The following GALNT9 variants were observed in gnomAD, a reference collection of about 807,000 sequenced individuals.
GALNT9 encodes GalNAc transferase 9.
A neutral mutation model predicts 63.1 loss-of-function variants in GALNT9; 47 were observed. That is an observed-to-expected ratio of 0.75 (90% CI 0.59 to 0.95). The LOEUF is 0.95. Ranked by LOEUF, GALNT9 falls within the 40% of genes least tolerant of loss-of-function variation. The pLI is 0.00. For missense variants in GALNT9, 829 were observed against 874.8 expected (o/e 0.95, Z 0.66); for synonymous variants, 396 against 365.7 (o/e 1.08, Z -0.94).
In GALNT9 at chr12:132,319,919, G is replaced by A. The variant is rs868941968; in HGVS notation, c.238+9047C>T. ...CACTCACTGACCCCGCCATGCAGGC[G>A]GGCACACGAGGCAGGCGCTCCTAAG... On this transcript the variant is annotated intron_variant, in intron 1 of 10. Coordinates refer to ENST00000328957, the MANE Select transcript of GALNT9 (RefSeq NM_001122636.2). This position sits in a 1 kb window ranked among gnomAD's most constrained non-coding sequence, Gnocchi z 5.2. Among the ~76,000 whole-genome samples the A allele has an allele frequency of 4.0e-4, 61 of 152,298 alleles. No homozygotes were observed. The highest frequency in any genetic ancestry group is 1.4e-3 in the African/African-American group (57 of 41,572).
chr12:132,200,801 T>C (rs1876005670), intron 8 of GALNT9: 1 of 354,378 alleles, frequency 2.8e-6, no homozygotes, highest in African/African-American at 2.1e-5. Context: ...TGAACACGCA[T>C]GGATGTGACT....
chr12:132,239,135 G>C (rs1312318149), intron 6 of GALNT9, among the ~76,000 whole-genome samples: 9 of 151,944 alleles, frequency 5.9e-5, no homozygotes, highest in African/African-American at 2.2e-4. Context: ...TTCATGTGGG[G>C]GTGGGGGCCA....
chr12:132,203,619 CT>C lies in GALNT9; in HGVS notation c.1148del (p.Lys383SerfsTer58), dbSNP rs1338215510. 6.2e-7 allele frequency: 1 copy of C among 1,613,910 alleles called. No individual in the cohort carries two copies. ...SRVAHIERTR[K>X]PYNNDIDYYA... is the part of the protein sequence containing the mutation. ...AGTAGTCAATGTCGTTGTTGTAGGG[CT>C]TCCTGGTGCGCTCGATGTGGGCCAC... On this transcript the variant is annotated frameshift_variant, in exon 7 of 11. Transcript: ENST00000328957. LOFTEE classifies it high-confidence loss of function.
At chr12:132,215,007 C>T (rs1015275961) in intron 6 of GALNT9, among the ~76,000 whole-genome samples, 2 of 152,220 alleles carry the variant, frequency 1.3e-5, no homozygotes, top group Non-Finnish European at 2.9e-5. Flanking sequence ...AGAAACCTGC[C>T]GGCCTCTGTA....
At chr12:132,273,802 C>T (rs1879956139) in intron 2 of GALNT9, 1 of 152,384 alleles carries the variant, frequency 6.6e-6, no homozygotes, top group Admixed American at 6.5e-5. Flanking sequence ...AGAGGCGACG[C>T]AGCTGGGGAC....
chr12:132,291,489 A>G (rs1242014926), intron 1 of GALNT9, among the ~76,000 whole-genome samples: 13 of 129,662 alleles, frequency 1.0e-4, no homozygotes, highest in African/African-American at 9.3e-5. Context: ...CAGCACCCAC[A>G]ACCACAGCGC....
chr12:132,303,000 CAG>C (rs1881361323), intron 1 of GALNT9, among the ~76,000 whole-genome samples: 1 of 152,126 alleles, frequency 6.6e-6, no homozygotes, highest in Non-Finnish European at 1.5e-5. Context: ...GGGGCCTGTG[CAG>C]AGTCTGATGC....
intron 6 of GALNT9, among the ~76,000 whole-genome samples, chr12:132,228,024 C>G (rs1169929276): frequency 1.3e-5 from 2 of 152,136 alleles, no homozygotes; most frequent in African/African-American, 4.8e-5. Flanking sequence ...GTAGCTACAG[C>G]CTGCTCTGTG....
intron 6 of GALNT9, among the ~76,000 whole-genome samples, chr12:132,225,854 C>A (rs1409233923): frequency 3.5e-5 from 1 of 28,576 alleles, no homozygotes; most frequent in Non-Finnish European, 8.3e-5. Context: ...CCACACCCCA[C>A]ACACTGTGTA....
chr12:132,229,120 G>C (rs1016252127), intron 6 of GALNT9, among the ~76,000 whole-genome samples: 1,743 of 152,278 alleles, frequency 0.011, 31 homozygotes, highest in African/African-American at 0.039. Context: ...GTCTCAGGGC[G>C]GCAGAGCCTT....
chr12:132,224,732 A>C, intron 6 of GALNT9, among the ~76,000 whole-genome samples: 1 of 119,154 alleles, frequency 8.4e-6, no homozygotes, highest in Non-Finnish European at 1.7e-5. Context: ...CCCATACACC[A>C]TACACACCCC....
Position 132,327,032 on chromosome 12 carries a change from G to A in GALNT9, c.238+1934C>T, listed in dbSNP as rs914490158. On this transcript the variant is annotated intron_variant, in intron 1 of 10. Transcript: ENST00000328957. The surrounding 1 kb of genome is among the most constrained non-coding windows in gnomAD (Gnocchi z 4.3). The stretch of plus-strand genomic sequence containing the variant: ...CACTGTGCCTGGCCTGCTGGTCACA[G>A]AGAGGAACGCAGCACAGCCTCATCA... 6.6e-6 allele frequency among the ~76,000 whole-genome samples: 1 copy of A among 152,198 alleles called. No individual in the cohort carries two copies. The highest frequency in any genetic ancestry group is 6.5e-5 in the Admixed American group (1 of 15,278).
intron 2 of GALNT9, among the ~76,000 whole-genome samples, chr12:132,267,755 T>TCACACA (rs782709970): frequency 7.8e-6 from 1 of 128,234 alleles, no homozygotes; most frequent in African/African-American, 4.5e-5. Flanking sequence ...GCACACACAC[T>TCACACA]CACACACACA....
In GALNT9 at chr12:132,310,480, C is replaced by T. The variant is rs1048574338; in HGVS notation, c.238+18486G>A. Among the ~76,000 whole-genome samples the T allele has an allele frequency of 2.6e-5, 4 of 152,270 alleles. No individual in the cohort carries two copies. The highest frequency in any genetic ancestry group is 4.4e-5 in the Non-Finnish European group (3 of 68,020). On this transcript the variant is annotated intron_variant, in intron 1 of 10. Transcript: ENST00000328957. The surrounding 1 kb of genome is among the most constrained non-coding windows in gnomAD (Gnocchi z 4.8). ...CCATCTCCTGGAGGCTGAGAGCCCT[C>T]CGGGAAAGCAGGCATTTCTGCCGGC...
At chr12:132,216,220 CAAAG>C (rs1735637978) in intron 6 of GALNT9, among the ~76,000 whole-genome samples, 2 of 151,986 alleles carry the variant, frequency 1.3e-5, no homozygotes, top group Admixed American at 1.3e-4. Flanking sequence ...GAGAGAGAGA[CAAAG>C]GAACAGATTA....
intron 1 of GALNT9, among the ~76,000 whole-genome samples, chr12:132,306,284 GC>G (rs1250066821): frequency 6.6e-6 from 1 of 152,260 alleles, no homozygotes; most frequent in Non-Finnish European, 1.5e-5. Flanking sequence ...TGGCCTGGAC[GC>G]CGGACGGTCT....
rs565086893 is a variant in GALNT9 at position 132,286,042 on chromosome 12, C to T, written c.419+208G>A. 3.0e-4 allele frequency among the ~76,000 whole-genome samples: 45 copies of T among 152,138 alleles called. No homozygotes were observed. The highest frequency in any genetic ancestry group is 7.2e-4 in the Admixed American group (11 of 15,290). On this transcript the variant is annotated intron_variant, in intron 2 of 10. Transcript: ENST00000328957. This position sits in a 1 kb window ranked among gnomAD's most constrained non-coding sequence, Gnocchi z 7.4. ...GCCCGCAGCTCGTGGGGGCAGTCCCCGGCCAGCACGGGGGAGCGCTCACTT... is the reference window on the plus strand; with the variant it reads ...GCCCGCAGCTCGTGGGGGCAGTCCCTGGCCAGCACGGGGGAGCGCTCACTT...
chr12:132,199,389 C>T (rs978847293), intron 8 of GALNT9, 120 bp from the exon 9 acceptor site: 38 of 695,836 alleles, frequency 5.5e-5, no homozygotes, highest in Admixed American at 1.5e-4. Flanking sequence ...GAGGAGGGGG[C>T]GTGTGGGATG....
At chr12:132,297,854 A>G (rs1555243401) in intron 1 of GALNT9, among the ~76,000 whole-genome samples, 1 of 150,990 alleles carries the variant, frequency 6.6e-6, no homozygotes, top group East Asian at 2.0e-4. Context: ...GAGAAAACCA[A>G]CTCCCAAGAT....
Sources: gnomAD v4.1 joint callset for allele counts (sites outside exome capture counted in the v4.1 genomes callset) on GRCh38, gnomAD v4.1.1 for gene constraint, Gnocchi (gnomAD v3.1) non-coding constraint, MANE v1.5 for transcripts, NCBI Gene and HGNC (gene_info 2026-07-23, HGNC 2026-07-21) for gene names.